The following RBFOX1 variants were observed in gnomAD, a reference collection of about 807,000 sequenced individuals.
RBFOX1 encodes RNA binding protein fox-1 homolog 1.
Under a neutral mutation model 57.7 loss-of-function variants are expected in RBFOX1, and 8 were observed. The observed-to-expected ratio is 0.14, with a 90% CI of 0.08 to 0.25. The LOEUF is 0.25. RBFOX1 is among the 10% of genes least tolerant of loss of function. The pLI, the probability that RBFOX1 is intolerant of heterozygous loss-of-function variation, is 1.00. For synonymous variants in RBFOX1, 326 were observed against 222.4 expected (o/e 1.47, Z -4.15); for missense variants, 611 against 548.5 (o/e 1.11, Z -1.14).
intron 4 of RBFOX1, among the ~76,000 whole-genome samples, chr16:7,378,875 G>T (rs957893231): frequency 6.6e-6 from 1 of 152,194 alleles, no homozygotes; most frequent in African/African-American, 2.4e-5. Flanking sequence ...GTATTATTAA[G>T]TGGCAATAAC....
At chr16:7,502,273 C>A (rs986931635) in intron 4 of RBFOX1, among the ~76,000 whole-genome samples, 2 of 152,192 alleles carry the variant, frequency 1.3e-5, no homozygotes, top group South Asian at 2.1e-4. Context: ...TTACTATGTG[C>A]GGAAGAAAAA....
chr16:7,001,407 T>C (rs1220812876), intron 3 of RBFOX1, among the ~76,000 whole-genome samples: 25 of 118,620 alleles, frequency 2.1e-4, no homozygotes, highest in African/African-American at 7.6e-4. Context: ...TTTGTATATG[T>C]ATATGTATAT....
chr16:7,642,605 T>C (rs1312822738), intron 11 of RBFOX1, among the ~76,000 whole-genome samples: 2 of 152,198 alleles, frequency 1.3e-5, no homozygotes, highest in Non-Finnish European at 2.9e-5. Flanking sequence ...TTCAGCCAGC[T>C]GTTAGATAGA....
At chr16:7,483,531 T>C (rs755201710) in intron 4 of RBFOX1, among the ~76,000 whole-genome samples, 1 of 152,170 alleles carries the variant, frequency 6.6e-6, no homozygotes, top group Non-Finnish European at 1.5e-5. Context: ...TCCAGACCTT[T>C]CCTGGGATGC....
chr16:6,629,191 T>G lies in RBFOX1; in HGVS notation c.-63-25412T>G, dbSNP rs541220679. 2.0e-5 allele frequency among the ~76,000 whole-genome samples: 3 copies of G among 152,350 alleles called. No individual in the cohort carries two copies. In the South Asian group the frequency reaches 6.2e-4, roughly 32 times the overall value. ...ATGCAGTATGCAGATGTAGCAGAAT[T>G]TGTAATTGTGATGGAAGTTCTTCTG... is the stretch of plus-strand genomic sequence containing the variant. On this transcript the variant is annotated intron_variant, in intron 2 of 15. Transcript: ENST00000550418.
chr16:5,575,566 G>A lies in RBFOX1; in HGVS notation c.259-23336G>A, dbSNP rs911364948. Reference sequence around the variant, plus strand: ...TGCCTGGCATCTACTCCTACCTGACGGAAGTGAACACACATCCCATGCCAG... The same window carrying A: ...TGCCTGGCATCTACTCCTACCTGACAGAAGTGAACACACATCCCATGCCAG... On this transcript the variant is annotated intron_variant, in intron 2 of 2. Coordinates refer to the RBFOX1 transcript ENST00000585867. Among the ~76,000 whole-genome samples the A allele has an allele frequency of 7.2e-5, 11 of 152,144 alleles. No homozygotes were observed. The East Asian group carries it at 1.2e-3, about 16-fold the overall frequency.
At chr16:7,036,107 A>T (rs1040285960) in intron 3 of RBFOX1, among the ~76,000 whole-genome samples, 7 of 152,158 alleles carry the variant, frequency 4.6e-5, no homozygotes, top group Admixed American at 4.6e-4. Context: ...TCAGAATAGC[A>T]TGGAAAGACA....
intron 4 of RBFOX1, among the ~76,000 whole-genome samples, chr16:7,393,741 T>C (rs146145586): frequency 8.2e-4 from 125 of 152,262 alleles, no homozygotes; most frequent in African/African-American, 2.8e-3. Flanking sequence ...GGCCACAAGG[T>C]GTCCCCCAGG....
intron 2 of RBFOX1, among the ~76,000 whole-genome samples, chr16:6,604,761 C>A (rs1032250618): frequency 6.6e-6 from 1 of 152,074 alleles, no homozygotes; most frequent in African/African-American, 2.4e-5. Context: ...ATATATGATT[C>A]CAAGATTCTA....
intron 3 of RBFOX1, among the ~76,000 whole-genome samples, chr16:6,866,003 G>A (rs1287297821): frequency 2.0e-5 from 3 of 151,990 alleles, no homozygotes; most frequent in South Asian, 2.1e-4. Context: ...GAAAAAAGAG[G>A]GAGTAATATT....
intron 2 of RBFOX1, among the ~76,000 whole-genome samples, chr16:6,536,944 C>T (rs914667574): frequency 6.6e-5 from 10 of 152,106 alleles, no homozygotes; most frequent in African/African-American, 1.9e-4. Context: ...ATTTTTGTTT[C>T]TTCTAATACT....
At chr16:7,443,970 T>C (rs78861894) in intron 4 of RBFOX1, among the ~76,000 whole-genome samples, 5,752 of 152,260 alleles carry the variant, frequency 0.038, 369 homozygotes, top group African/African-American at 0.13. Flanking sequence ...GCTGTACATA[T>C]TTATCTTCAA....
At chr16:6,712,302 A>G (rs1056142052) in intron 3 of RBFOX1, among the ~76,000 whole-genome samples, 1 of 152,172 alleles carries the variant, frequency 6.6e-6, no homozygotes, top group Non-Finnish European at 1.5e-5. Flanking sequence ...ACCTTCTGTC[A>G]TCTGGGTCTG....
At chr16:5,589,645 A>G (rs1411663785) in intron 2 of RBFOX1, among the ~76,000 whole-genome samples, 1 of 152,212 alleles carries the variant, frequency 6.6e-6, no homozygotes, top group Non-Finnish European at 1.5e-5. Context: ...GTTCTCCAGG[A>G]TGTGTAACCT....
rs188145085 is a variant in RBFOX1 at position 5,830,674 on chromosome 16, A to C, written c.319-36629A>C. ...ATGATCTTTGAGGCCAGATCAAATC[A>C]TGTCAGTGTGTCCTCTCTGCATCAC... On this transcript the variant is annotated intron_variant, in intron 3 of 19. Transcript: ENST00000641259. 3.2e-3 allele frequency among the ~76,000 whole-genome samples: 481 copies of C among 152,304 alleles called. 4 individuals carry two copies. The highest frequency in any genetic ancestry group is 0.011 in the African/African-American group (445 of 41,576).
At chr16:5,978,937 A>G (rs1430958783) in intron 4 of RBFOX1, among the ~76,000 whole-genome samples, 1 of 152,154 alleles carries the variant, frequency 6.6e-6, no homozygotes, top group Non-Finnish European at 1.5e-5. Flanking sequence ...TTGTGAAGTC[A>G]CTGTGTTTCC....
At chr16:6,824,456 A>G (rs28707644) in intron 3 of RBFOX1, among the ~76,000 whole-genome samples, 3,096 of 152,312 alleles carry the variant, frequency 0.02, 110 homozygotes, top group African/African-American at 0.07. Context: ...AAGATGTTCT[A>G]TTGCTTTAAA....
At chr16:7,573,848 G>C (rs1158009425) in intron 5 of RBFOX1, among the ~76,000 whole-genome samples, 1 of 151,198 alleles carries the variant, frequency 6.6e-6, no homozygotes, top group East Asian at 1.9e-4. Context: ...AAAAAAAAGA[G>C]GTCAAATAAA....
chr16:6,696,050 G>T (rs1218564514), intron 3 of RBFOX1, among the ~76,000 whole-genome samples: 1 of 152,174 alleles, frequency 6.6e-6, no homozygotes, highest in African/African-American at 2.4e-5. Flanking sequence ...CCTTGCTTGA[G>T]GCAATTGTTG....
Sources: gnomAD v4.1 joint callset for allele counts (sites outside exome capture counted in the v4.1 genomes callset) on GRCh38, gnomAD v4.1.1 for gene constraint, MANE v1.5 for transcripts, NCBI Gene and HGNC (gene_info 2026-07-23, HGNC 2026-07-21) for gene names.